CXXC5: variants seen among roughly 807,000 people sequenced by gnomAD.
CXXC5 encodes CXXC finger protein 5.
CXXC5 carries 2 observed loss-of-function variants against 17.6 expected under a neutral mutation model. The observed-to-expected ratio is 0.11, with a 90% CI of 0.05 to 0.36. The LOEUF (loss-of-function observed/expected upper bound fraction) is 0.36. Among genes scored for constraint, CXXC5 ranks in the 10% least tolerant of loss-of-function variants. The pLI is 1.00. For missense variants in CXXC5, 343 were observed against 458.3 expected (o/e 0.75, Z 2.30); for synonymous variants, 171 against 193.0 (o/e 0.89, Z 0.94).
At chr5:139,662,103 TG>T (rs1755852574) in intron 1 of CXXC5, among the ~76,000 whole-genome samples, 1 of 152,088 alleles carries the variant, frequency 6.6e-6, no homozygotes, top group South Asian at 2.1e-4. Context: ...GTGCCAGAGA[TG>T]GGGGGAAGAA....
rs139240507 is a variant in CXXC5 at position 139,677,224 on chromosome 5, G to A, written c.-160-3140G>A. Among the ~76,000 whole-genome samples the A allele has an allele frequency of 1.7e-3, 259 of 152,000 alleles. 2 individuals are homozygous for A. Among genetic ancestry groups the A allele is most frequent in the Non-Finnish European group, 2.7e-3 (185 of 67,920 alleles). On this transcript the variant is annotated intron_variant, in intron 1 of 2. Coordinates refer to ENST00000302517, the MANE Select transcript of CXXC5 (RefSeq NM_016463.9). ...ATGATGGATGCGCCCGCCGCCGCCC[G>A]CCTGCCCGCCAGCTTTCCCTCCCGC...
chr5:139,677,499 G>A (rs1348605270), intron 1 of CXXC5, among the ~76,000 whole-genome samples: 1 of 152,206 alleles, frequency 6.6e-6, no homozygotes, highest in East Asian at 1.9e-4. Flanking sequence ...TATCAGGGCC[G>A]ATTTGGAACA....
At chr5:139,679,075 C>T (rs1020606570) in intron 1 of CXXC5, among the ~76,000 whole-genome samples, 24 of 152,196 alleles carry the variant, frequency 1.6e-4, no homozygotes, top group Admixed American at 3.9e-4. Context: ...AGGACAGGCT[C>T]CTGCTGGGCT....
chr5:139,662,903 T>C (rs1473865336), intron 1 of CXXC5, among the ~76,000 whole-genome samples: 8 of 152,186 alleles, frequency 5.3e-5, no homozygotes, highest in Non-Finnish European at 1.2e-4. Context: ...GGACCTGAAG[T>C]AGATGGTGGG....
chr5:139,683,138 C>T lies in CXXC5; in HGVS notation c.*231C>T, dbSNP rs1363752296. ...AATTTAAACTGCTTTTTCGGAAGAA[C>T]AACAACAAAAAAGAGGTAAAGACGA... is the stretch of plus-strand genomic sequence containing the variant. On this transcript the variant is annotated 3_prime_UTR_variant, in exon 3 of 3. Coordinates refer to ENST00000302517, the MANE Select transcript of CXXC5 (RefSeq NM_016463.9). 2.6e-6 allele frequency: 1 copy of T among 385,400 alleles called. No homozygotes were observed. Among genetic ancestry groups the T allele is most frequent in the African/African-American group, 2.1e-5 (1 of 48,164 alleles). The allele number at this position is 385,400 out of a possible 1,614,324, so 23.9% of individuals were successfully genotyped here. A position where few individuals can be genotyped will look rare whatever the true frequency, so the allele number is the denominator to read the frequency against.
At chr5:139,652,165 C>CGCGCGCGCGT (rs1755237775) in intron 1 of CXXC5, among the ~76,000 whole-genome samples, 1 of 139,552 alleles carries the variant, frequency 7.2e-6, no homozygotes, top group Non-Finnish European at 1.5e-5. Flanking sequence ...CGCGCGCGCG[C>CGCGCGCGCGT]GCGCGCGTGT....
In CXXC5 at chr5:139,680,518, C is replaced by T; in HGVS notation, c.-6C>T. On this transcript the variant is annotated 5_prime_UTR_variant, in exon 2 of 3. Transcript: ENST00000302517. ...TCTGCAGTGGGGTCTGGGCCTCGGC[C>T]CCACCATGTCGAGCCTCGGCGGTGG... The T allele has an allele frequency of 1.3e-6, 2 of 1,551,806 alleles. No individual in the cohort carries two copies. Among genetic ancestry groups the T allele is most frequent in the Non-Finnish European group, 1.7e-6 (2 of 1,149,872 alleles).
At position 139,683,026 on chromosome 5, in the gene CXXC5, C is replaced by A; in HGVS notation, c.*119C>A. 1.3e-6 allele frequency: 1 copy of A among 763,738 alleles called. No homozygotes were observed. The highest frequency in any genetic ancestry group is 1.9e-6 in the Non-Finnish European group (1 of 529,934). 47.3% of individuals were successfully genotyped at this position (763,738 alleles called of 1,614,324 possible). A position where few individuals can be genotyped will look rare whatever the true frequency, so the allele number is the denominator to read the frequency against. On this transcript the variant is annotated 3_prime_UTR_variant, in exon 3 of 3. Transcript: ENST00000302517. ...GTCTTTAGAACCAAAAATATTCTCT[C>A]ACAGATTTCATTCCTGTTTTTATAT...
At chr5:139,669,619 T>C (rs1242711513) in intron 1 of CXXC5, among the ~76,000 whole-genome samples, 1 of 152,168 alleles carries the variant, frequency 6.6e-6, no homozygotes, top group East Asian at 1.9e-4. Flanking sequence ...ACTCATTTCA[T>C]GGACATTAGC....
At chr5:139,650,405 C>T (rs965102440) in intron 1 of CXXC5, among the ~76,000 whole-genome samples, 1 of 152,248 alleles carries the variant, frequency 6.6e-6, no homozygotes, top group Non-Finnish European at 1.5e-5. Context: ...CCCTGTCCCC[C>T]CCACCCCCGC....
chr5:139,654,164 A>AC (rs1425166695), intron 1 of CXXC5, among the ~76,000 whole-genome samples: 6 of 150,830 alleles, frequency 4.0e-5, no homozygotes, highest in African/African-American at 1.5e-4. Flanking sequence ...CATCTCCCCA[A>AC]CCCCCCACGG....
rs923880874 is a variant in CXXC5 at position 139,658,252 on chromosome 5, A to C, written c.-161+9407A>C. 2.0e-5 allele frequency among the ~76,000 whole-genome samples: 3 copies of C among 152,218 alleles called. No individual in the cohort carries two copies. The highest frequency in any genetic ancestry group is 7.2e-5 in the African/African-American group (3 of 41,456). On this transcript the variant is annotated intron_variant, in intron 1 of 2. Coordinates refer to ENST00000302517, the MANE Select transcript of CXXC5 (RefSeq NM_016463.9). The surrounding 1 kb of genome is among the most constrained non-coding windows in gnomAD (Gnocchi z 4.1). ...TAGAATTTCTTAGTCATGGGAGTCT[A>C]GAATCATAGATAGAATGCTTGGAAT... is the stretch of plus-strand genomic sequence containing the variant.
At chr5:139,674,744 G>A (rs1331531625) in intron 1 of CXXC5, among the ~76,000 whole-genome samples, 1 of 152,252 alleles carries the variant, frequency 6.6e-6, no homozygotes, top group Admixed American at 6.5e-5. Context: ...GCCAGGCGCA[G>A]TGGCTCACGC....
chr5:139,682,763 C>T, intron 2 of CXXC5, 100 bp from the exon 3 acceptor site: 3 of 1,238,970 alleles, frequency 2.4e-6, no homozygotes, highest in South Asian at 1.7e-5. Flanking sequence ...CCATGCCTGT[C>T]CCTCCGCCAT....
rs1163068660 is a variant in CXXC5 at position 139,681,558 on chromosome 5, G to GC, written c.924+116dup. 8.2e-6 allele frequency: 11 copies of GC among 1,335,198 alleles called. No homozygotes were observed. The African/African-American group carries it at 9.8e-5, about 12-fold the overall frequency. The allele number at this position is 1,335,198 out of a possible 1,614,324, so 82.7% of individuals were successfully genotyped here. A position where few individuals can be genotyped will look rare whatever the true frequency, so the allele number is the denominator to read the frequency against. ...CTACCTGGGCAAGTGTCTGGGGGAT[G>GC]CCCCCTCCCAGTCCTTGGGGCCTGG... On this transcript the variant is annotated intron_variant, in intron 2 of 2. Coordinates refer to ENST00000302517, the MANE Select transcript of CXXC5 (RefSeq NM_016463.9).
chr5:139,677,965 A>G (rs559847807), intron 1 of CXXC5, among the ~76,000 whole-genome samples: 55 of 152,370 alleles, frequency 3.6e-4, no homozygotes, highest in African/African-American at 1.1e-3. Flanking sequence ...GAGCAGGAAC[A>G]GCGTTAATGC....
At chr5:139,674,263 C>T (rs1756652764) in intron 1 of CXXC5, among the ~76,000 whole-genome samples, 1 of 152,162 alleles carries the variant, frequency 6.6e-6, no homozygotes, top group Admixed American at 6.5e-5. Flanking sequence ...GACGGGACAC[C>T]CTCCCTTCCA....
At position 139,661,054 on chromosome 5, in the gene CXXC5, C is replaced by G. The variant is rs911670015; in HGVS notation, c.-161+12209C>G. On this transcript the variant is annotated intron_variant, in intron 1 of 2. Coordinates refer to ENST00000302517, the MANE Select transcript of CXXC5 (RefSeq NM_016463.9). The surrounding 1 kb of genome is among the most constrained non-coding windows in gnomAD (Gnocchi z 4.7). Reference sequence around the variant, plus strand: ...GCCAGGGCAGCCGGAGTCTGGGGGACCAGGACAGCCTCCCCCACCTCCGCC... The same window carrying G: ...GCCAGGGCAGCCGGAGTCTGGGGGAGCAGGACAGCCTCCCCCACCTCCGCC... Among the ~76,000 whole-genome samples the G allele has an allele frequency of 2.6e-5, 4 of 152,148 alleles. No homozygotes were observed. Among genetic ancestry groups the G allele is most frequent in the African/African-American group, 9.7e-5 (4 of 41,420 alleles).
intron 1 of CXXC5, among the ~76,000 whole-genome samples, chr5:139,654,776 A>G (rs961637894): frequency 6.6e-6 from 1 of 152,214 alleles, no homozygotes; most frequent in African/African-American, 2.4e-5. Context: ...TCAAGGTGTT[A>G]CTTGCCTTCT....
Sources: allele counts gnomAD v4.1 joint callset (sites outside exome capture counted in the v4.1 genomes callset), GRCh38; gene constraint gnomAD v4.1.1; non-coding constraint Gnocchi (gnomAD v3.1); transcripts MANE v1.5; gene names NCBI Gene and HGNC (gene_info 2026-07-23, HGNC 2026-07-21).